The following PHC2 variants were observed in gnomAD, a reference collection of about 807,000 sequenced individuals.
The protein encoded by PHC2 is polyhomeotic homolog 2.
In PHC2, 29 loss-of-function variants were observed where a neutral mutation model predicts 87.4. That is an observed-to-expected ratio of 0.33 (90% confidence interval 0.25 to 0.45). The LOEUF is 0.45. PHC2 is among the 20% of genes least tolerant of loss of function. PHC2 has a pLI of 1.00. For synonymous variants in PHC2, 438 were observed against 461.7 expected, an observed-to-expected ratio of 0.95 and a Z score of 0.66; for missense variants, 857 against 1,136.7, an observed-to-expected ratio of 0.75 and a Z score of 3.54.
chr1:33,413,732 C>A (rs1650075951), intron 1 of PHC2, among the ~76,000 whole-genome samples: 2 of 152,138 alleles, frequency 1.3e-5, no homozygotes, highest in South Asian at 4.1e-4. Flanking sequence ...GTAAAACTGG[C>A]CTATATAGAT....
intron 1 of PHC2, among the ~76,000 whole-genome samples, chr1:33,378,928 C>T (rs540979958): frequency 6.6e-6 from 1 of 152,088 alleles, no homozygotes; most frequent in Admixed American, 6.5e-5. Context: ...ATGATTAGTG[C>T]AAAAAGCCAA....
rs116570901 is a variant in PHC2, at chr1:33,332,603, G to T, written c.1762-199C>A. 0.013 allele frequency: 7,976 copies of T among 600,268 alleles called. 87 individuals carry two copies. The highest frequency in any genetic ancestry group is 0.019 in the Non-Finnish European group (6,363 of 339,034). The allele number at this position is 600,268 out of a possible 1,614,324, so 37.2% of individuals were successfully genotyped here. ...TGGCTCACGAGGTAAGATGCTAATG[G>T]GCAAAGTACAGGGATGGCTTCTGTC... On this transcript the variant is annotated intron_variant, in intron 10 of 14. Coordinates refer to ENST00000683057, the MANE Select transcript of PHC2 (RefSeq NM_001385109.1). This position sits in a 1 kb window ranked among gnomAD's most constrained non-coding sequence, Gnocchi z 4.2.
In PHC2 at chr1:33,367,130, G is replaced by T. The variant is rs376469270; in HGVS notation, c.962C>A (p.Pro321His). 6.2e-7 allele frequency: 1 copy of T among 1,606,356 alleles called. No individual in the cohort carries two copies. Among genetic ancestry groups the T allele is most frequent in the African/African-American group, 1.3e-5 (1 of 74,822 alleles). Reference protein sequence around the residue: ...SRTVPAVAAHPLIAPAYAQLQ... With the variant: ...SRTVPAVAAHHLIAPAYAQLQ... ...GAAGACCTTACCTGGTGCAATGAGG[G>T]GGTGGGCAGCCACAGCAGGAACCGT... Residue 321 changes from proline (P) to histidine (H), a missense_variant, in exon 7 of 15, where the codon CCC (proline) becomes CAC (histidine). Pro to His is a moderately conservative substitution (Grantham distance 77). Around this residue, in one of 3 missense-constraint regions of PHC2, gnomAD observed 832 missense variants for 1,081.8 expected, o/e 0.77. Coordinates refer to ENST00000683057, the MANE Select transcript of PHC2 (RefSeq NM_001385109.1).
intron 7 of PHC2, among the ~76,000 whole-genome samples, chr1:33,360,982 C>A (rs1257231582): frequency 1.3e-5 from 2 of 152,122 alleles, no homozygotes; most frequent in Non-Finnish European, 2.9e-5. Flanking sequence ...GTACCGCAAG[C>A]CTAGGAGTAT....
chr1:33,379,260 T>C (rs138388780), intron 1 of PHC2, among the ~76,000 whole-genome samples: 1 of 146,172 alleles, frequency 6.8e-6, no homozygotes, highest in African/African-American at 2.5e-5. Flanking sequence ...CTTTCTTCTC[T>C]CTCCAGTTCT....
intron 1 of PHC2, among the ~76,000 whole-genome samples, chr1:33,412,434 T>C (rs1458302376): frequency 6.6e-6 from 1 of 151,584 alleles, no homozygotes; most frequent in Non-Finnish European, 1.5e-5. Flanking sequence ...ACACTAAACA[T>C]CACTTTTCCT....
chr1:33,355,341 A>G, intron 7 of PHC2, 88 bp from the exon 8 acceptor site: 1 of 1,228,152 alleles, frequency 8.1e-7, no homozygotes. Context: ...CATCCAAATA[A>G]AAATGGCTTC....
At position 33,334,324 on chromosome 1, in the gene PHC2, G is replaced by C. The variant is rs767617465; in HGVS notation, c.1559-32C>G. On this transcript the variant is annotated intron_variant, in intron 9 of 14. Transcript: ENST00000683057. This position sits in a 1 kb window ranked among gnomAD's most constrained non-coding sequence, Gnocchi z 5.5. ...GAGAGAGAGTAGGAAAACAAAGCAG[G>C]GGAGATCAGAACCAGAGTCCACGCC... 1.9e-6 allele frequency: 3 copies of C among 1,598,620 alleles called. No homozygotes were observed. The highest frequency in any genetic ancestry group is 8.6e-7 in the Non-Finnish European group (1 of 1,167,724).
At chr1:33,366,174 A>G (rs1478973982) in intron 7 of PHC2, among the ~76,000 whole-genome samples, 1 of 152,272 alleles carries the variant, frequency 6.6e-6, no homozygotes, top group East Asian at 1.9e-4. Flanking sequence ...ATTGGATGGT[A>G]AAATGGTTTG....
At chr1:33,339,615 T>G (rs1425746630) in intron 9 of PHC2, among the ~76,000 whole-genome samples, 1 of 152,028 alleles carries the variant, frequency 6.6e-6, no homozygotes, top group African/African-American at 2.4e-5. Context: ...CTAGGACCAG[T>G]GGGTTGATGT....
intron 14 of PHC2, 195 bp from the exon 15 acceptor site, chr1:33,325,214 C>T (rs995455095): frequency 2.4e-5 from 14 of 572,350 alleles, no homozygotes; most frequent in South Asian, 1.4e-4. Flanking sequence ...CCACAGCAGC[C>T]GCGATCTGGG....
chr1:33,333,764 A>G (rs928962551), intron 10 of PHC2: 18 of 283,234 alleles, frequency 6.4e-5, no homozygotes, highest in Admixed American at 5.1e-4. Flanking sequence ...AATTTCCCAA[A>G]ACCCATCATC....
chr1:33,384,849 C>T (rs527760692), intron 1 of PHC2, among the ~76,000 whole-genome samples: 2 of 152,198 alleles, frequency 1.3e-5, no homozygotes, highest in African/African-American at 4.8e-5. Flanking sequence ...AACATGGTGC[C>T]GAGCCAGCAA....
At chr1:33,372,967 C>G (rs1647948779) in intron 2 of PHC2, among the ~76,000 whole-genome samples, 1 of 152,226 alleles carries the variant, frequency 6.6e-6, no homozygotes, top group Non-Finnish European at 1.5e-5. Context: ...GAGGCAATGC[C>G]TCCTTCTTGA....
chr1:33,373,724 A>G (rs1647999234), intron 2 of PHC2, among the ~76,000 whole-genome samples: 1 of 151,998 alleles, frequency 6.6e-6, no homozygotes, highest in South Asian at 2.1e-4. Flanking sequence ...GGCCTTCACC[A>G]GGCTTCCCCC....
At chr1:33,398,728 T>C (rs1463628173) in intron 1 of PHC2, among the ~76,000 whole-genome samples, 1 of 152,196 alleles carries the variant, frequency 6.6e-6, no homozygotes, top group African/African-American at 2.4e-5. Context: ...GCATTCTTGG[T>C]TTCCCAAAGC....
intron 1 of PHC2, among the ~76,000 whole-genome samples, chr1:33,412,622 C>A (rs1393626611): frequency 6.6e-6 from 1 of 152,152 alleles, no homozygotes; most frequent in Non-Finnish European, 1.5e-5. Flanking sequence ...ACTGAAAAAA[C>A]CCCTCACTAA....
chr1:33,366,800 C>G (rs1219964643), intron 7 of PHC2, among the ~76,000 whole-genome samples: 2 of 152,216 alleles, frequency 1.3e-5, no homozygotes, highest in Non-Finnish European at 2.9e-5. Flanking sequence ...CAAAATAGTT[C>G]AACTGCCTGC....
At chr1:33,424,561 T>C (rs1384671047) in intron 1 of PHC2, among the ~76,000 whole-genome samples, 1 of 152,248 alleles carries the variant, frequency 6.6e-6, no homozygotes, top group East Asian at 1.9e-4. Flanking sequence ...ATCATTCTAA[T>C]AGACTCACAA....
Sources: allele counts gnomAD v4.1 joint callset (sites outside exome capture counted in the v4.1 genomes callset), GRCh38; gene constraint gnomAD v4.1.1; regional missense constraint gnomAD v4.1.1; non-coding constraint Gnocchi (gnomAD v3.1); transcripts MANE v1.5; gene names NCBI Gene and HGNC (gene_info 2026-07-23, HGNC 2026-07-21).